Variants in PSD3 observed in about 807,000 individuals in gnomAD.
PSD3 encodes PH and SEC7 domain-containing protein 3.
A neutral mutation model predicts 105.5 loss-of-function variants in PSD3; 49 were observed. The ratio of observed to expected loss-of-function variants is 0.46; its 90% CI spans 0.37 to 0.59. PSD3 has a LOEUF of 0.59. Ranked by LOEUF, PSD3 falls within the 20% of genes least tolerant of loss-of-function variation. The pLI is 0.00. For synonymous variants in PSD3, 557 were observed against 457.8 expected (o/e 1.22, Z -2.77); for missense variants, 1,561 against 1,263.8 (o/e 1.24, Z -3.57).
At chr8:19,002,148 T>A (rs1826432492) in intron 1 of PSD3, among the ~76,000 whole-genome samples, 1 of 152,026 alleles carries the variant, frequency 6.6e-6, no homozygotes, top group Non-Finnish European at 1.5e-5. Context: ...AACTGTTCCT[T>A]CTTAGAACTG....
At chr8:18,574,490 C>T (rs1452918472) in intron 13 of PSD3, among the ~76,000 whole-genome samples, 3 of 152,134 alleles carry the variant, frequency 2.0e-5, no homozygotes, top group South Asian at 2.1e-4. Context: ...TCAAAAACCC[C>T]GGGCAACTTG....
At chr8:18,546,704 C>T (rs1800471133) in intron 15 of PSD3, among the ~76,000 whole-genome samples, 1 of 152,104 alleles carries the variant, frequency 6.6e-6, no homozygotes, top group Admixed American at 6.5e-5. Flanking sequence ...TAAATACAAT[C>T]ACCATGTTGT....
chr8:18,614,715 A>T (rs564654997), intron 11 of PSD3, among the ~76,000 whole-genome samples: 2 of 152,206 alleles, frequency 1.3e-5, no homozygotes, highest in East Asian at 3.9e-4. Context: ...TGCAGCCTCC[A>T]ATTGCCAGGC....
rs368273631 is a variant in PSD3 at position 18,655,277 on chromosome 8, C to T, written c.2216+365G>A. On this transcript the variant is annotated intron_variant, in intron 10 of 15. Transcript: ENST00000327040. ...CCGGGAGGCGGAGCTTGCAGTGAGC[C>T]GAGATTGCGCCACTGCACTCCAGCC... 5.4e-3 allele frequency among the ~76,000 whole-genome samples: 793 copies of T among 147,706 alleles called. 8 individuals are homozygous for T. Among genetic ancestry groups the T allele is most frequent in the African/African-American group, 0.018 (729 of 39,828 alleles).
At chr8:18,997,707 C>A (rs1046287057) in intron 1 of PSD3, among the ~76,000 whole-genome samples, 1 of 152,034 alleles carries the variant, frequency 6.6e-6, no homozygotes, top group Middle Eastern at 3.2e-3. Flanking sequence ...TGTCCCTGTT[C>A]CTGGAAGGCA....
chr8:18,668,215 C>A (rs1454120003), intron 9 of PSD3, among the ~76,000 whole-genome samples: 5 of 152,232 alleles, frequency 3.3e-5, no homozygotes, highest in African/African-American at 1.2e-4. Context: ...TGAGCAAGGG[C>A]TGCCAGGACT....
chr8:18,856,213 G>A (rs1160880956), intron 4 of PSD3, among the ~76,000 whole-genome samples: 3 of 152,120 alleles, frequency 2.0e-5, no homozygotes, highest in East Asian at 1.9e-4. Context: ...GACATCCCAC[G>A]ATGCAAGTAA....
At chr8:18,897,050 G>A (rs760524316) in intron 2 of PSD3, among the ~76,000 whole-genome samples, 10 of 151,826 alleles carry the variant, frequency 6.6e-5, no homozygotes, top group East Asian at 1.9e-4. Flanking sequence ...CAGGTGATCC[G>A]CCCACCTGAG....
intron 4 of PSD3, among the ~76,000 whole-genome samples, chr8:18,860,471 CAG>C (rs887602339): frequency 9.8e-4 from 145 of 148,076 alleles, no homozygotes; most frequent in African/African-American, 3.5e-3. Context: ...AAAAAAAAAA[CAG>C]AGTATCTTCA....
At chr8:18,699,828 G>A (rs1801470715) in intron 9 of PSD3, among the ~76,000 whole-genome samples, 2 of 151,304 alleles carry the variant, frequency 1.3e-5, no homozygotes. Context: ...GTTTTTCGCA[G>A]TAACACACAT....
rs557757586 is a variant in PSD3 at position 19,084,379 on chromosome 8, C to G, written c.151G>C (p.Ala51Pro). The change falls in exon 1 of 2, where the codon GCG becomes CCG. Residue 51 changes from alanine (A) to proline (P), a missense_variant. Physicochemically the swap from Ala to Pro is conservative, Grantham distance 27. Transcript: ENST00000521475. ...CCTCTCCTCAGCACAGTCCTTTCCG[C>G]TCCATCTGCAGCGTGGACCAGGACA... The G allele has an allele frequency of 6.6e-6, 3 of 456,272 alleles. No homozygotes were observed. The East Asian group carries it at 2.1e-4, about 32-fold the overall frequency. The allele number at this position is 456,272 out of a possible 1,614,324, so 28.3% of individuals were successfully genotyped here. A position where few individuals can be genotyped will look rare whatever the true frequency, so the allele number is the denominator to read the frequency against.
At chr8:19,064,807 A>AT (rs150223128) in intron 1 of PSD3, among the ~76,000 whole-genome samples, 10,453 of 152,280 alleles carry the variant, frequency 0.069, 453 homozygotes, top group Middle Eastern at 0.17. Flanking sequence ...AATGCCAGGA[A>AT]TTAAAAACAA....
At chr8:18,884,151 G>T (rs1293441918) in intron 2 of PSD3, among the ~76,000 whole-genome samples, 4 of 152,046 alleles carry the variant, frequency 2.6e-5, no homozygotes, top group Non-Finnish European at 4.4e-5. Context: ...TGTAAGATTG[G>T]AAGATAAATG....
Position 18,575,133 on chromosome 8 carries a change from T to A in PSD3, c.2634A>T (p.Gln878His). ...KTADWRVLLF[Q>H]TQSPEEMQGW... Reference sequence around the variant, plus strand: ...TAAAAACCAACAAAACATACTGAGTTTGAAAAAGCAAGACCCTCCAGTCGG... The same window carrying A: ...TAAAAACCAACAAAACATACTGAGTATGAAAAAGCAAGACCCTCCAGTCGG... The change falls in exon 13 of 16, where the codon CAA (glutamine) becomes CAT (histidine). Residue 878 changes from glutamine (Q) to histidine (H), a missense_variant. Coordinates refer to ENST00000327040, the MANE Select transcript of PSD3 (RefSeq NM_015310.4). 1 of 1,611,938 alleles carries A rather than the reference T, an allele frequency of 6.2e-7. No homozygotes were observed. The highest frequency in any genetic ancestry group is 1.7e-5 in the Admixed American group (1 of 59,518).
intron 4 of PSD3, among the ~76,000 whole-genome samples, chr8:18,840,754 T>C (rs527569997): frequency 6.6e-6 from 1 of 152,308 alleles, no homozygotes; most frequent in Non-Finnish European, 1.5e-5. Context: ...GGGAGAGGTC[T>C]GTCAGGCCAG....
intron 10 of PSD3, among the ~76,000 whole-genome samples, chr8:18,645,286 C>T (rs2130812885): frequency 6.6e-6 from 1 of 152,248 alleles, no homozygotes; most frequent in Admixed American, 6.5e-5. Context: ...TACCAAAATC[C>T]AGAAGATTAA....
chr8:18,600,655 G>A (rs943919179), intron 11 of PSD3, among the ~76,000 whole-genome samples: 7 of 152,124 alleles, frequency 4.6e-5, no homozygotes, highest in African/African-American at 1.7e-4. Flanking sequence ...CCAGGTTGGT[G>A]CTATTTCTCT....
intron 4 of PSD3, among the ~76,000 whole-genome samples, chr8:18,831,604 C>G (rs1447819992): frequency 1.3e-5 from 2 of 152,148 alleles, no homozygotes; most frequent in African/African-American, 4.8e-5. Flanking sequence ...CGCCTATAGT[C>G]CCAGCTAGTC....
chr8:18,752,590 A>ATG (rs1488590702), intron 9 of PSD3, among the ~76,000 whole-genome samples: 6 of 84,594 alleles, frequency 7.1e-5, no homozygotes, highest in African/African-American at 3.8e-4. Context: ...TATATATTAT[A>ATG]TATTATATAT....
Sources: allele counts gnomAD v4.1 joint callset (sites outside exome capture counted in the v4.1 genomes callset), GRCh38; gene constraint gnomAD v4.1.1; transcripts MANE v1.5; gene names NCBI Gene and HGNC (gene_info 2026-07-23, HGNC 2026-07-21).